The following FGF13 variants were observed in gnomAD, a reference collection of about 807,000 sequenced individuals.
The protein encoded by FGF13 is fibroblast growth factor 13.
In FGF13, 2 loss-of-function variants were observed where a neutral mutation model predicts 19.5. The observed-to-expected ratio is 0.10, with a 90% CI of 0.04 to 0.32. The LOEUF (loss-of-function observed/expected upper bound fraction) is 0.32. Among genes scored for constraint, FGF13 ranks in the 10% least tolerant of loss-of-function variants. The probability of loss-of-function intolerance (pLI) is 1.00; values close to 1 mark genes in which losing one functional copy is unlikely to be tolerated. For synonymous variants in FGF13, 72 were observed against 76.9 expected, an observed-to-expected ratio of 0.94 and a Z score of 0.33; for missense variants, 113 against 192.7, an observed-to-expected ratio of 0.59 and a Z score of 2.45.
At chrX:138,724,169 A>T (rs1355262850) in intron 1 of FGF13, among the ~76,000 whole-genome samples, 1 of 112,096 alleles carries the variant, frequency 8.9e-6, no homozygotes. Flanking sequence ...GCACGGAAAT[A>T]GATTAGGGCT....
chrX:138,778,611 G>GC (rs1409489934), intron 3 of FGF13, among the ~76,000 whole-genome samples: 11 of 112,359 alleles, frequency 9.8e-5, no homozygotes, highest in African/African-American at 3.6e-4. Flanking sequence ...TTTCCGACAG[G>GC]CTTAAAAAAC....
exon 3 of FGF13, chrX:138,857,591 G>C: frequency 2.5e-6 from 3 of 1,207,230 alleles, no homozygotes; most frequent in Non-Finnish European, 3.4e-6. Context: ...CACGAAAGGG[G>C]GACTCTTTTT....
chrX:139,084,315 T>C (rs931503514), intron 1 of FGF13, among the ~76,000 whole-genome samples: 1 of 111,325 alleles, frequency 9.0e-6, no homozygotes, highest in African/African-American at 3.3e-5. Context: ...GAATATAACA[T>C]ACAGAAGATT....
At chrX:138,923,710 C>T (rs991190991) in intron 1 of FGF13, among the ~76,000 whole-genome samples, 7 of 111,935 alleles carry the variant, frequency 6.3e-5, no homozygotes, top group African/African-American at 2.3e-4. Flanking sequence ...TCACAAAGAT[C>T]CAGCCACATG....
At chrX:138,633,630 T>C (rs980719508) in intron 4 of FGF13, among the ~76,000 whole-genome samples, 4 of 111,824 alleles carry the variant, frequency 3.6e-5, no homozygotes, top group African/African-American at 1.3e-4. Flanking sequence ...AATGGTAAAA[T>C]TTATTATTGT....
chrX:138,833,296 T>C (rs1337866151), intron 3 of FGF13, among the ~76,000 whole-genome samples: 1 of 112,508 alleles, frequency 8.9e-6, no homozygotes, highest in African/African-American at 3.2e-5. Flanking sequence ...TCCATGAGCA[T>C]GGAATGTTTC....
chrX:138,772,606 T>A (rs1455842448), intron 3 of FGF13, among the ~76,000 whole-genome samples: 1 of 111,642 alleles, frequency 9.0e-6, no homozygotes, highest in Non-Finnish European at 1.9e-5. Flanking sequence ...TGAGTTTTGT[T>A]AGTGAGTTGC....
intron 1 of FGF13, among the ~76,000 whole-genome samples, chrX:138,886,016 G>A (rs983200239): frequency 2.7e-5 from 3 of 110,742 alleles, no homozygotes; most frequent in African/African-American, 9.9e-5. Context: ...TTCCCACTTC[G>A]TATTTTCAAA....
intron 1 of FGF13, among the ~76,000 whole-genome samples, chrX:138,914,690 A>G: frequency 9.2e-6 from 1 of 109,242 alleles, no homozygotes; most frequent in African/African-American, 3.4e-5. Flanking sequence ...AATAAGGAAA[A>G]ATAATCTTTT....
chrX:138,957,400 A>C (rs757141084), intron 1 of FGF13, among the ~76,000 whole-genome samples: 6 of 112,057 alleles, frequency 5.4e-5, no homozygotes, highest in Non-Finnish European at 9.4e-5. Context: ...TGTGCAAATC[A>C]AGATGAAGAA....
chrX:138,885,226 C>T (rs1405516970), intron 1 of FGF13, among the ~76,000 whole-genome samples: 2 of 111,237 alleles, frequency 1.8e-5, no homozygotes, highest in African/African-American at 6.5e-5. Flanking sequence ...GCTGTGGTCT[C>T]ACCTGGAGTC....
rs186160840 is a variant in FGF13, at chrX:139,143,010, G to A, written c.-113+60406C>T. On this transcript the variant is annotated intron_variant, in intron 1 of 2. Transcript: ENST00000421460. ...TTTTAATGAAAAGACTCAGCATTTG[G>A]AGAATCATCTAAGGCCATACAAAAT... Among the ~76,000 whole-genome samples the A allele has an allele frequency of 1.9e-4, 21 of 112,023 alleles. No individual in the cohort carries two copies. In the East Asian group the frequency reaches 5.3e-3, roughly 28 times the overall value.
At chrX:138,959,317 G>A (rs1030298397) in intron 1 of FGF13, among the ~76,000 whole-genome samples, 2 of 111,870 alleles carry the variant, frequency 1.8e-5, no homozygotes, top group African/African-American at 3.3e-5. Context: ...CAGATTCCAC[G>A]TAGTTGTGCG....
chrX:138,921,917 C>G (rs1027512578), intron 1 of FGF13, among the ~76,000 whole-genome samples: 5 of 91,724 alleles, frequency 5.5e-5, no homozygotes, highest in African/African-American at 1.5e-4. Context: ...AGACAGAACT[C>G]GCAAACATAA....
At chrX:138,821,203 A>G (rs1602912961) in intron 3 of FGF13, among the ~76,000 whole-genome samples, 2 of 111,489 alleles carry the variant, frequency 1.8e-5, no homozygotes, top group Admixed American at 9.6e-5. Context: ...AGTGAAGTGA[A>G]AAAAGGAGAT....
intron 1 of FGF13, among the ~76,000 whole-genome samples, chrX:138,922,663 A>G (rs2091652944): frequency 8.9e-6 from 1 of 111,907 alleles, no homozygotes. Flanking sequence ...ATAGACATAT[A>G]CTTGATTCCT....
chrX:138,654,217 C>T (rs773607254), intron 3 of FGF13, among the ~76,000 whole-genome samples: 2 of 111,688 alleles, frequency 1.8e-5, no homozygotes, highest in Non-Finnish European at 3.8e-5. Context: ...GGTCACCCAG[C>T]CTATAATAAG....
intron 1 of FGF13, among the ~76,000 whole-genome samples, chrX:138,734,250 T>C: frequency 8.9e-6 from 1 of 111,947 alleles, no homozygotes; most frequent in East Asian, 2.8e-4. Context: ...TCCCAGCCAG[T>C]AGTAGTAAAT....
intron 1 of FGF13, among the ~76,000 whole-genome samples, chrX:138,898,378 G>T (rs930283966): frequency 4.5e-5 from 5 of 111,961 alleles, no homozygotes; most frequent in Non-Finnish European, 7.5e-5. Context: ...GGCCAGGCCA[G>T]GCAATTTACC....
Sources: gnomAD v4.1 joint callset for allele counts (sites outside exome capture counted in the v4.1 genomes callset) on GRCh38, gnomAD v4.1.1 for gene constraint, MANE v1.5 for transcripts, NCBI Gene and HGNC (gene_info 2026-07-23, HGNC 2026-07-21) for gene names.